The following EIF4EBP1 variants were observed in gnomAD, a reference collection of about 807,000 sequenced individuals.
EIF4EBP1 encodes the protein eukaryotic translation initiation factor 4E-binding protein 1.
Under a neutral mutation model 9.2 loss-of-function variants are expected in EIF4EBP1, and 5 were observed. The observed-to-expected ratio is 0.54, with a 90% CI of 0.28 to 1.14. The LOEUF (loss-of-function observed/expected upper bound fraction) is 1.14. Ranked by LOEUF, EIF4EBP1 falls within the 50% of genes most tolerant of loss-of-function variation. The pLI, the probability that EIF4EBP1 is intolerant of heterozygous loss-of-function variation, is 0.09. For missense variants in EIF4EBP1, 139 were observed against 169.6 expected, an observed-to-expected ratio of 0.82 and a Z score of 1.00; for synonymous variants, 62 against 67.0, an observed-to-expected ratio of 0.93 and a Z score of 0.36.
In EIF4EBP1 at chr8:38,057,218, CA is replaced by C. The variant is rs761391678; in HGVS notation, c.284del (p.Gln95ArgfsTer125). On this transcript the variant is annotated frameshift_variant, in exon 2 of 3. Coordinates refer to ENST00000338825, the MANE Select transcript of EIF4EBP1 (RefSeq NM_004095.4). LOFTEE classifies it high-confidence loss of function. ...TGATGAGCCCCCCATGGAAGCCAGC[CA>C]GAGCCACCTGCGCAATAGCCCAGAA... ...SSDEPPMEASQSHLRNSPEDK... is the reference protein window; with the variant it reads ...SSDEPPMEASXSHLRNSPEDK... The C allele has an allele frequency of 1.9e-6, 3 of 1,613,984 alleles. No individual in the cohort carries two copies. Among genetic ancestry groups the C allele is most frequent in the East Asian group, 2.2e-5 (1 of 44,898 alleles).
intron 1 of EIF4EBP1, among the ~76,000 whole-genome samples, chr8:38,035,434 T>A (rs1284952680): frequency 2.6e-5 from 4 of 151,668 alleles, no homozygotes; most frequent in African/African-American, 9.7e-5. Flanking sequence ...GTCAGGCTGG[T>A]CTCAAACTCC....
intron 1 of EIF4EBP1, among the ~76,000 whole-genome samples, chr8:38,045,268 C>T (rs1218379109): frequency 2.0e-5 from 3 of 152,160 alleles, no homozygotes; most frequent in Admixed American, 1.3e-4. Flanking sequence ...GAGCCCAGAA[C>T]ATCTGCCTCC....
intron 1 of EIF4EBP1, among the ~76,000 whole-genome samples, chr8:38,048,503 C>T (rs1320275572): frequency 6.6e-6 from 1 of 152,158 alleles, no homozygotes; most frequent in Admixed American, 6.5e-5. Context: ...TAAGGTCTTG[C>T]ACACAGTTGG....
At chr8:38,059,033 A>G (rs1039905853) in intron 2 of EIF4EBP1, among the ~76,000 whole-genome samples, 3 of 152,200 alleles carry the variant, frequency 2.0e-5, no homozygotes, top group Non-Finnish European at 4.4e-5. Context: ...GCAGTGAGCT[A>G]TGATTGCGTA....
At chr8:38,032,318 G>A (rs1585519733) in intron 1 of EIF4EBP1, among the ~76,000 whole-genome samples, 1 of 152,096 alleles carries the variant, frequency 6.6e-6, no homozygotes, top group Non-Finnish European at 1.5e-5. Flanking sequence ...TTCAAGACCA[G>A]CCTGGGCAAC....
chr8:38,031,418 TG>T (rs769199860), intron 1 of EIF4EBP1, among the ~76,000 whole-genome samples: 1 of 152,064 alleles, frequency 6.6e-6, no homozygotes, highest in East Asian at 1.9e-4. Flanking sequence ...CTGGCACGGG[TG>T]GGGGGGCCAG....
At chr8:38,044,473 C>CT (rs1809425419) in intron 1 of EIF4EBP1, among the ~76,000 whole-genome samples, 1 of 152,212 alleles carries the variant, frequency 6.6e-6, no homozygotes, top group Admixed American at 6.5e-5. Context: ...GGGTCTCACT[C>CT]TATCACCCAG....
chr8:38,046,060 G>A (rs1231554751), intron 1 of EIF4EBP1, among the ~76,000 whole-genome samples: 1 of 151,920 alleles, frequency 6.6e-6, no homozygotes, highest in African/African-American at 2.4e-5. Context: ...CTGCCACCAC[G>A]CCCAGCTAAT....
At chr8:38,037,213 T>C (rs1809315790) in intron 1 of EIF4EBP1, among the ~76,000 whole-genome samples, 1 of 152,224 alleles carries the variant, frequency 6.6e-6, no homozygotes, top group African/African-American at 2.4e-5. Flanking sequence ...CTCATCTTTG[T>C]ATCCACATGA....
In EIF4EBP1 at chr8:38,060,206, T is replaced by C; in HGVS notation, c.*271T>C. The C allele has an allele frequency of 1.8e-6, 1 of 557,794 alleles. No homozygotes were observed. Among genetic ancestry groups the C allele is most frequent in the Non-Finnish European group, 3.2e-6 (1 of 311,408 alleles). The allele number at this position is 557,794 out of a possible 1,614,324, so 34.6% of individuals were successfully genotyped here. ...CACCCTGCAGCCAAGGGCCAGGAAG[T>C]GGACAAGAACGAACCCTTCCTTCCG... is the stretch of plus-strand genomic sequence containing the variant. On this transcript the variant is annotated 3_prime_UTR_variant, in exon 3 of 3. Coordinates refer to ENST00000338825, the MANE Select transcript of EIF4EBP1 (RefSeq NM_004095.4).
At chr8:38,032,220 A>C (rs1015568732) in intron 1 of EIF4EBP1, among the ~76,000 whole-genome samples, 10 of 141,838 alleles carry the variant, frequency 7.1e-5, no homozygotes, top group African/African-American at 2.8e-4. Flanking sequence ...TACTGTTTAT[A>C]GGCACTTCTG....
At chr8:38,042,843 C>T (rs113985025) in intron 1 of EIF4EBP1, among the ~76,000 whole-genome samples, 1 of 152,120 alleles carries the variant, frequency 6.6e-6, no homozygotes, top group African/African-American at 2.4e-5. Flanking sequence ...GCGGGCAGAT[C>T]GCTTGAGGTC....
intron 1 of EIF4EBP1, among the ~76,000 whole-genome samples, chr8:38,035,586 T>C (rs1481740937): frequency 6.6e-6 from 1 of 152,110 alleles, no homozygotes; most frequent in African/African-American, 2.4e-5. Flanking sequence ...TAGAGTGCAG[T>C]GGCATGATTT....
At chr8:38,031,929 T>C (rs1809228907) in intron 1 of EIF4EBP1, among the ~76,000 whole-genome samples, 1 of 152,222 alleles carries the variant, frequency 6.6e-6, no homozygotes, top group African/African-American at 2.4e-5. Flanking sequence ...CTTCCTTTTC[T>C]ATTAGAAATG....
At chr8:38,056,995 C>A in intron 1 of EIF4EBP1, 86 bp from the exon 2 acceptor site, 1 of 1,416,950 alleles carries the variant, frequency 7.1e-7, no homozygotes, top group Non-Finnish European at 1.0e-6. Flanking sequence ...TCTGCTGCCT[C>A]TACTGCAGCC....
intron 1 of EIF4EBP1, among the ~76,000 whole-genome samples, chr8:38,032,253 C>A (rs1037906697): frequency 3.9e-5 from 6 of 152,340 alleles, no homozygotes; most frequent in Middle Eastern, 6.8e-3. Flanking sequence ...AGGTTCACAC[C>A]TGTAATGCCA....
Position 38,039,952 on chromosome 8 carries a change from G to A in EIF4EBP1, c.145+9234G>A, listed in dbSNP as rs1230459665. 3.9e-5 allele frequency among the ~76,000 whole-genome samples: 6 copies of A among 152,170 alleles called. No homozygotes were observed. The East Asian group carries it at 5.8e-4, about 15-fold the overall frequency. ...TCTATGGGCTGAAGTACAGTGGCGCGATCACCACTCACTGTAACTTTGAGC... is the reference window on the plus strand; with the variant it reads ...TCTATGGGCTGAAGTACAGTGGCGCAATCACCACTCACTGTAACTTTGAGC... On this transcript the variant is annotated intron_variant, in intron 1 of 2. Coordinates refer to ENST00000338825, the MANE Select transcript of EIF4EBP1 (RefSeq NM_004095.4).
chr8:38,041,967 G>A (rs1809387002), intron 1 of EIF4EBP1, among the ~76,000 whole-genome samples: 1 of 151,864 alleles, frequency 6.6e-6, no homozygotes, highest in Admixed American at 6.6e-5. Context: ...ACTTCAGCCT[G>A]TGTAATAGAG....
rs772246381 is a variant in EIF4EBP1, at chr8:38,030,560, G to A, written c.-14G>A. On this transcript the variant is annotated 5_prime_UTR_variant, in exon 1 of 3. Coordinates refer to ENST00000338825, the MANE Select transcript of EIF4EBP1 (RefSeq NM_004095.4). Reference sequence around the variant, plus strand: ...GGGCAGCGAGAGGTTCGCGGGTGCAGCGCACAGGAGACCATGTCCGGGGGC... The same window carrying A: ...GGGCAGCGAGAGGTTCGCGGGTGCAACGCACAGGAGACCATGTCCGGGGGC... The A allele has an allele frequency of 2.0e-6, 3 of 1,508,424 alleles. No homozygotes were observed. The highest frequency in any genetic ancestry group is 2.7e-5 in the East Asian group (1 of 36,788). The allele number at this position is 1,508,424 out of a possible 1,614,324, so 93.4% of individuals were successfully genotyped here.
Sources: allele counts gnomAD v4.1 joint callset (sites outside exome capture counted in the v4.1 genomes callset), GRCh38; gene constraint gnomAD v4.1.1; transcripts MANE v1.5; gene names NCBI Gene and HGNC (gene_info 2026-07-23, HGNC 2026-07-21).